The following PCDHGA2 variants were observed in gnomAD, a reference collection of about 807,000 sequenced individuals.
PCDHGA2 encodes protocadherin gamma subfamily A, 2.
A neutral mutation model predicts 59.2 loss-of-function variants in PCDHGA2; 40 were observed. The observed-to-expected ratio is 0.68, with a 90% confidence interval of 0.52 to 0.88. PCDHGA2 has a LOEUF of 0.88. PCDHGA2 is among the 40% of genes least tolerant of loss of function. PCDHGA2 has a pLI of 0.00. For missense variants in PCDHGA2, 1,226 were observed against 1,204.0 expected (o/e 1.02, Z -0.27); for synonymous variants, 560 against 526.0 (o/e 1.06, Z -0.89).
At chr5:141,461,281 C>T (rs1305044383) in intron 1 of PCDHGA2, among the ~76,000 whole-genome samples, 1 of 152,050 alleles carries the variant, frequency 6.6e-6, no homozygotes, top group Non-Finnish European at 1.5e-5. Flanking sequence ...CTCTTTTCCC[C>T]ACATCCACAC....
Position 141,487,315 on chromosome 5 carries a change from G to C in PCDHGA2, c.2425-7492G>C, listed in dbSNP as rs568326280. On this transcript the variant is annotated intron_variant, in intron 1 of 3. Transcript: ENST00000394576. The surrounding 1 kb of genome is among the most constrained non-coding windows in gnomAD (Gnocchi z 5.0). ...GCTCATTCGTGGCACTACTCTCTAA[G>C]TGTCTTCGTGGGGCAGCCTGTGGAG... 6.2e-7 allele frequency: 1 copy of C among 1,614,166 alleles called. No individual in the cohort carries two copies. Among genetic ancestry groups the C allele is most frequent in the Admixed American group, 1.7e-5 (1 of 60,028 alleles).
At chr5:141,400,294 T>TTGCC (rs1347415154) in intron 1 of PCDHGA2, 1 of 1,614,070 alleles carries the variant, frequency 6.2e-7, no homozygotes, top group African/African-American at 1.3e-5. Context: ...CTGGAGCTGC[T>TTGCC]TCCAACCTGG....
chr5:141,373,998 T>C lies in PCDHGA2; in HGVS notation c.2424+32603T>C, dbSNP rs934719638. On this transcript the variant is annotated intron_variant, in intron 1 of 3. Transcript: ENST00000394576. ...TCCGGTCTCTGCTTGTTGAAGGACC[T>C]TCACCGCTATTTCTGAGAAGAGCAA... The C allele has an allele frequency of 2.4e-5, 31 of 1,299,320 alleles. No homozygotes were observed. The African/African-American group carries it at 4.6e-4, about 19-fold the overall frequency. The allele number at this position is 1,299,320 out of a possible 1,614,324, so 80.5% of individuals were successfully genotyped here. A position where few individuals can be genotyped will look rare whatever the true frequency, so the allele number is the denominator to read the frequency against.
intron 1 of PCDHGA2, chr5:141,375,317 C>T: frequency 1.2e-6 from 2 of 1,613,790 alleles, no homozygotes; most frequent in Non-Finnish European, 8.5e-7. Flanking sequence ...AGCTCTAGAC[C>T]GGGAAGAGGT....
At chr5:141,382,844 C>G (rs749994518) in intron 1 of PCDHGA2, 3 of 1,475,612 alleles carry the variant, frequency 2.0e-6, no homozygotes, top group Non-Finnish European at 2.7e-6. Flanking sequence ...CCGGATACAC[C>G]CGCATTCTGA....
intron 2 of PCDHGA2, among the ~76,000 whole-genome samples, chr5:141,496,991 G>T (rs1164558685): frequency 6.6e-6 from 1 of 151,902 alleles, no homozygotes; most frequent in African/African-American, 2.4e-5. Context: ...TTTGAGACCA[G>T]CCTGGCAGCC....
Position 141,427,920 on chromosome 5 carries a change from C to T in PCDHGA2, c.2425-66887C>T, listed in dbSNP as rs552823212. The T allele has an allele frequency of 3.8e-6, 6 of 1,579,506 alleles. No homozygotes were observed. In the African/African-American group the frequency reaches 4.0e-5, roughly 11 times the overall value. On this transcript the variant is annotated intron_variant, in intron 1 of 3. Transcript: ENST00000394576. The stretch of plus-strand genomic sequence containing the variant: ...GCCCGCGCTCAGCGCCAACATGAGC[C>T]GGCGCATGTTGGTGGGCGACCTCAA...
intron 1 of PCDHGA2, chr5:141,478,531 C>A (rs771145308): frequency 8.1e-6 from 13 of 1,608,072 alleles, no homozygotes; most frequent in Admixed American, 5.1e-5. Context: ...GTGCAGAGAG[C>A]GCCCCTCCCG....
chr5:141,392,416 T>C (rs576614359), intron 1 of PCDHGA2: 1 of 157,618 alleles, frequency 6.3e-6, no homozygotes, highest in African/African-American at 2.4e-5. Flanking sequence ...AAAACCTTCA[T>C]CTCACATTCT....
chr5:141,356,674 G>A, intron 1 of PCDHGA2: 4 of 1,613,934 alleles, frequency 2.5e-6, no homozygotes, highest in Non-Finnish European at 2.5e-6. Flanking sequence ...TTACTCCCTG[G>A]CCGAAGACAC....
At chr5:141,494,976 G>A in intron 2 of PCDHGA2, 111 bp downstream of exon 2, 1 of 1,575,636 alleles carries the variant, frequency 6.3e-7, no homozygotes. Flanking sequence ...TTCTCCCTCA[G>A]TTTGAGATCC....
At chr5:141,403,214 G>A in intron 1 of PCDHGA2, 5 of 1,613,990 alleles carry the variant, frequency 3.1e-6, no homozygotes, top group Non-Finnish European at 4.2e-6. Context: ...GGTCACCGCG[G>A]GTAGGATAGA....
At chr5:141,344,073 G>C in intron 1 of PCDHGA2, 1 of 1,608,996 alleles carries the variant, frequency 6.2e-7, no homozygotes, top group Non-Finnish European at 8.5e-7. Context: ...CAGAGGACTG[G>C]CCCTGCTGTG....
Position 141,393,390 on chromosome 5 carries a change from G to C in PCDHGA2, c.2424+51995G>C, listed in dbSNP as rs761230046. On this transcript the variant is annotated intron_variant, in intron 1 of 3. Coordinates refer to ENST00000394576, the MANE Select transcript of PCDHGA2 (RefSeq NM_018915.4). ...TGGAGACAATGGAGCCATAAACCCA[G>C]AGCTGGTGCTGGAGCGCGCCCTGGA... 24 of 1,613,882 alleles carry C rather than the reference G, an allele frequency of 1.5e-5. No homozygotes were observed. The South Asian group carries it at 2.5e-4, about 17-fold the overall frequency.
rs1348297963 is a variant in PCDHGA2, at chr5:141,487,103, G to A, written c.2425-7704G>A. 6.2e-7 allele frequency: 1 copy of A among 1,614,124 alleles called. No individual in the cohort carries two copies. Among genetic ancestry groups the A allele is most frequent in the Non-Finnish European group, 8.5e-7 (1 of 1,180,000 alleles). On this transcript the variant is annotated intron_variant, in intron 1 of 3. Coordinates refer to ENST00000394576, the MANE Select transcript of PCDHGA2 (RefSeq NM_018915.4). The surrounding 1 kb of genome is among the most constrained non-coding windows in gnomAD (Gnocchi z 5.0). ...AGCTGACCTCCCACCACAGAAGCTG[G>A]TCATTGTGGTAAAGGATAGTGGTAG...
In PCDHGA2 at chr5:141,490,462, ACCAG is replaced by A; in HGVS notation, c.2425-4338_2425-4335del. On this transcript the variant is annotated intron_variant, in intron 1 of 3. Coordinates refer to ENST00000394576, the MANE Select transcript of PCDHGA2 (RefSeq NM_018915.4). The surrounding 1 kb of genome is among the most constrained non-coding windows in gnomAD (Gnocchi z 5.4). ...TTCTGAGAACCACTACTCGCTGCTA[ACCAG>A]CCAGCCTTTGGACCGGGAGGCCACA... 1 of 1,614,198 alleles carries A rather than the reference ACCAG, an allele frequency of 6.2e-7. No homozygotes were observed.
intron 1 of PCDHGA2, chr5:141,423,339 C>T (rs1393650718): frequency 6.2e-7 from 1 of 1,614,072 alleles, no homozygotes; most frequent in Non-Finnish European, 8.5e-7. Flanking sequence ...TCTCCTGCAT[C>T]TTCCTGGTCT....
intron 1 of PCDHGA2, among the ~76,000 whole-genome samples, chr5:141,349,210 C>T (rs938368457): frequency 1.3e-5 from 2 of 149,632 alleles, no homozygotes; most frequent in African/African-American, 5.0e-5. Context: ...GCTGGCGTTA[C>T]AGGTACCCGC....
intron 1 of PCDHGA2, among the ~76,000 whole-genome samples, chr5:141,448,274 T>G (rs2098579713): frequency 6.6e-6 from 1 of 152,196 alleles, no homozygotes; most frequent in South Asian, 2.1e-4. Context: ...TATATACTGT[T>G]GTGCAACTTG....
Sources: gnomAD v4.1 joint callset for allele counts (sites outside exome capture counted in the v4.1 genomes callset) on GRCh38, gnomAD v4.1.1 for gene constraint, Gnocchi (gnomAD v3.1) non-coding constraint, MANE v1.5 for transcripts, NCBI Gene and HGNC (gene_info 2026-07-23, HGNC 2026-07-21) for gene names.